The following MYCBP2 variants were observed in gnomAD, a reference collection of about 807,000 sequenced individuals.
MYCBP2 encodes E3 ubiquitin-protein ligase MYCBP2.
Under a neutral mutation model 525.3 loss-of-function variants are expected in MYCBP2, and 120 were observed. The observed-to-expected ratio is 0.23, with a 90% CI of 0.20 to 0.27. MYCBP2 has a LOEUF of 0.27. MYCBP2 is among the 10% of genes least tolerant of loss of function. The pLI, the probability that MYCBP2 is intolerant of heterozygous loss-of-function variation, is 1.00. For synonymous variants in MYCBP2, 1,894 were observed against 1,955.8 expected, an observed-to-expected ratio of 0.97 and a Z score of 0.83; for missense variants, 4,149 against 5,657.1, an observed-to-expected ratio of 0.73 and a Z score of 8.55.
In MYCBP2 at chr13:77,083,130, A is replaced by T. The variant is rs190093393; in HGVS notation, c.10938T>A (p.Ala3646=). Residue 3646 remains alanine, a synonymous_variant, in exon 63 of 83, where the codon GCT becomes GCA. Coordinates refer to ENST00000544440, the MANE Select transcript of MYCBP2 (RefSeq NM_015057.5). ...GGTGAAAGGTGTGTGGTAAAGGATG[A>T]GCAGCTTCCCCGGCAATCACTATGT... is the stretch of plus-strand genomic sequence containing the variant. ...LSDIVIAGEA[A]HPLPHTFHRL... is the part of the protein sequence containing the mutation. The T allele has an allele frequency of 1.5e-5, 24 of 1,613,642 alleles. No homozygotes were observed. The East Asian group carries it at 5.3e-4, about 36-fold the overall frequency.
chr13:77,079,681 G>A (rs1356079380), intron 65 of MYCBP2, among the ~76,000 whole-genome samples: 2 of 152,096 alleles, frequency 1.3e-5, no homozygotes, highest in Non-Finnish European at 2.9e-5. Context: ...GAAGTGTTTT[G>A]GATTAGGGAT....
intron 28 of MYCBP2, among the ~76,000 whole-genome samples, chr13:77,190,786 A>G (rs2061223907): frequency 6.6e-6 from 1 of 152,198 alleles, no homozygotes; most frequent in Admixed American, 6.5e-5. Context: ...ACATAACAAC[A>G]GATGTGATTT....
intron 55 of MYCBP2, among the ~76,000 whole-genome samples, chr13:77,105,775 A>G (rs1034656848): frequency 1.3e-5 from 2 of 152,228 alleles, no homozygotes; most frequent in African/African-American, 2.4e-5. Context: ...AATAATATTA[A>G]AAACAATTTT....
intron 52 of MYCBP2, among the ~76,000 whole-genome samples, chr13:77,138,227 G>A (rs1415842120): frequency 6.6e-6 from 1 of 152,034 alleles, no homozygotes; most frequent in Non-Finnish European, 1.5e-5. Flanking sequence ...TCTCCACTGT[G>A]CTATTATAAA....
chr13:77,126,194 A>G (rs2051644070), intron 53 of MYCBP2, 124 bp downstream of exon 53: 1 of 703,666 alleles, frequency 1.4e-6, no homozygotes, highest in Admixed American at 3.2e-5. Flanking sequence ...CAATACAAGT[A>G]AAGATAAAAT....
At chr13:77,272,094 T>C (rs2074979589) in intron 5 of MYCBP2, among the ~76,000 whole-genome samples, 2 of 152,206 alleles carry the variant, frequency 1.3e-5, no homozygotes, top group African/African-American at 4.8e-5. Flanking sequence ...TGGAGACAGA[T>C]AAGCCCTCGA....
intron 68 of MYCBP2, among the ~76,000 whole-genome samples, chr13:77,075,156 C>T (rs925779607): frequency 2.0e-5 from 3 of 152,020 alleles, no homozygotes; most frequent in Non-Finnish European, 2.9e-5. Context: ...TGCAGTGAGC[C>T]GTGATCATAC....
chr13:77,055,425 C>T (rs2037754363), intron 80 of MYCBP2, 133 bp downstream of exon 80: 1 of 765,438 alleles, frequency 1.3e-6, no homozygotes, highest in African/African-American at 1.8e-5. Context: ...CATTGGGAAA[C>T]ATTGTACCAA....
At chr13:77,095,061 C>T (rs1336471653) in intron 58 of MYCBP2, among the ~76,000 whole-genome samples, 1 of 152,158 alleles carries the variant, frequency 6.6e-6, no homozygotes, top group East Asian at 1.9e-4. Context: ...GCATTTCGCA[C>T]TAACAGAGTG....
At chr13:77,280,376 G>A (rs958125968) in intron 3 of MYCBP2, among the ~76,000 whole-genome samples, 2 of 152,164 alleles carry the variant, frequency 1.3e-5, no homozygotes, top group African/African-American at 4.8e-5. Context: ...TAGAAAACAA[G>A]AACATGCTGT....
chr13:77,082,163 G>A, intron 63 of MYCBP2, 170 bp from the exon 64 acceptor site: 1 of 582,490 alleles, frequency 1.7e-6, no homozygotes. Context: ...TTGTTTTTGA[G>A]AAATAAAGGT....
intron 26 of MYCBP2, among the ~76,000 whole-genome samples, chr13:77,202,148 A>ACCG (rs1176946283): frequency 2.0e-5 from 3 of 152,184 alleles, no homozygotes; most frequent in Admixed American, 2.0e-4. Context: ...CGCTAACAAG[A>ACCG]CTAATAAAGA....
chr13:77,238,280 G>A (rs1297076459), intron 17 of MYCBP2, among the ~76,000 whole-genome samples: 1 of 150,674 alleles, frequency 6.6e-6, no homozygotes, highest in Non-Finnish European at 1.5e-5. Context: ...AATATGCCTG[G>A]ACACCTATAA....
chr13:77,138,185 C>T (rs2054048797), intron 52 of MYCBP2, among the ~76,000 whole-genome samples: 1 of 152,204 alleles, frequency 6.6e-6, no homozygotes, highest in Non-Finnish European at 1.5e-5. Context: ...CACATATCTT[C>T]CTTCTCTTTC....
chr13:77,093,051 T>G, intron 59 of MYCBP2, 114 bp downstream of exon 59: 1 of 1,027,418 alleles, frequency 9.7e-7, no homozygotes, highest in Non-Finnish European at 1.4e-6. Flanking sequence ...CTCCAGCAGT[T>G]AGCAAAACTG....
chr13:77,205,675 G>C (rs1322502457), intron 24 of MYCBP2, 77 bp from the exon 25 acceptor site: 1 of 1,251,530 alleles, frequency 8.0e-7, no homozygotes, highest in Admixed American at 2.6e-5. Context: ...AAATGCTATA[G>C]GGGATAAATT....
chr13:77,211,307 A>T lies in MYCBP2; in HGVS notation c.3276T>A (p.Ala1092=). The change falls in exon 23 of 83, where the codon GCT becomes GCA. Residue 1092 remains alanine, a synonymous_variant. Coordinates refer to ENST00000544440, the MANE Select transcript of MYCBP2 (RefSeq NM_015057.5). ...TAAATGGAGGAGGTTCTGATATAGA[A>T]GCAGGTACCAAGCCTTAAGAAAAAA... ...ASKHIIGLVP[A]SISEPPPFKC... 3.4e-6 allele frequency: 5 copies of T among 1,457,496 alleles called. No homozygotes were observed. Among genetic ancestry groups the T allele is most frequent in the Non-Finnish European group, 4.5e-6 (5 of 1,099,954 alleles). 90.3% of individuals were successfully genotyped at this position (1,457,496 alleles called of 1,614,324 possible). A position where few individuals can be genotyped will look rare whatever the true frequency, so the allele number is the denominator to read the frequency against.
chr13:77,227,055 T>C (rs1211231773), intron 18 of MYCBP2, among the ~76,000 whole-genome samples: 3 of 152,160 alleles, frequency 2.0e-5, no homozygotes, highest in African/African-American at 4.8e-5. Context: ...AATTAACTGC[T>C]GGACCCAGAG....
intron 15 of MYCBP2, among the ~76,000 whole-genome samples, chr13:77,250,257 A>G (rs1406142159): frequency 1.3e-5 from 2 of 152,024 alleles, no homozygotes; most frequent in Non-Finnish European, 2.9e-5. Context: ...CAGCAGCCTT[A>G]AAGAAAAGGC....
Sources: gnomAD v4.1 joint callset for allele counts (sites outside exome capture counted in the v4.1 genomes callset) on GRCh38, gnomAD v4.1.1 for gene constraint, MANE v1.5 for transcripts, NCBI Gene and HGNC (gene_info 2026-07-23, HGNC 2026-07-21) for gene names.